DCAF10: variants seen among roughly 807,000 people sequenced by gnomAD.
The protein encoded by DCAF10 is DDB1 and CUL4 associated factor 10, also known as DDB1- and CUL4-associated factor 10.
A neutral mutation model predicts 51.9 loss-of-function variants in DCAF10; 19 were observed. The observed-to-expected ratio is 0.37, with a 90% confidence interval of 0.26 to 0.54. The LOEUF (loss-of-function observed/expected upper bound fraction) is 0.54. DCAF10 is among the 20% of genes least tolerant of loss of function. DCAF10 has a pLI of 0.87. For missense variants in DCAF10, 510 were observed against 730.6 expected, an observed-to-expected ratio of 0.70 and a Z score of 3.48; for synonymous variants, 291 against 297.1, an observed-to-expected ratio of 0.98 and a Z score of 0.21.
At position 37,840,991 on chromosome 9, in the gene DCAF10, T is replaced by C. The variant is rs185948739; in HGVS notation, c.654-1098T>C. Reference sequence around the variant, plus strand: ...TATGAGTGATAGGCTATATACCATATATACCATATAACCTCAGTGTGTACC... The same window carrying C: ...TATGAGTGATAGGCTATATACCATACATACCATATAACCTCAGTGTGTACC... On this transcript the variant is annotated intron_variant, in intron 2 of 6. Transcript: ENST00000377724. Among the ~76,000 whole-genome samples the C allele has an allele frequency of 1.6e-3, 245 of 152,346 alleles. 1 individual carries two copies. Among genetic ancestry groups the C allele is most frequent in the African/African-American group, 5.2e-3 (216 of 41,584 alleles).
chr9:37,858,531 A>G (rs1830918312), intron 5 of DCAF10: 1 of 152,234 alleles, frequency 6.6e-6, no homozygotes, highest in Non-Finnish European at 1.5e-5. Flanking sequence ...GTAAACACAC[A>G]AACACAAATA....
intron 1 of DCAF10, among the ~76,000 whole-genome samples, chr9:37,818,574 AG>A (rs931441626): frequency 6.6e-6 from 1 of 152,236 alleles, no homozygotes; most frequent in African/African-American, 2.4e-5. Context: ...GCAGTGGGGA[AG>A]GCCTGAAACA....
chr9:37,826,799 T>G (rs924258521), intron 2 of DCAF10, among the ~76,000 whole-genome samples: 1 of 148,932 alleles, frequency 6.7e-6, no homozygotes, highest in African/African-American at 2.5e-5. Flanking sequence ...AAATAAAACA[T>G]ACACCCAAAT....
chr9:37,843,146 C>G (rs1830381739), intron 3 of DCAF10, among the ~76,000 whole-genome samples: 1 of 151,996 alleles, frequency 6.6e-6, no homozygotes, highest in African/African-American at 2.4e-5. Flanking sequence ...GACTCCTGAG[C>G]AGCTAGGACT....
At chr9:37,800,748 G>A, upstream of DCAF10, 1 of 1,533,642 alleles carries the variant, frequency 6.5e-7, no homozygotes, top group South Asian at 1.2e-5. Flanking sequence ...CCGAGGGGCG[G>A]CGCGGGTTTC....
At chr9:37,838,262 A>G (rs1168126458) in intron 2 of DCAF10, among the ~76,000 whole-genome samples, 1 of 152,222 alleles carries the variant, frequency 6.6e-6, no homozygotes, top group African/African-American at 2.4e-5. Context: ...TTTACTAAAC[A>G]TAAAAGTTTC....
intron 1 of DCAF10, among the ~76,000 whole-genome samples, chr9:37,812,347 C>T (rs1829374377): frequency 6.6e-6 from 1 of 152,028 alleles, no homozygotes; most frequent in Non-Finnish European, 1.5e-5. Context: ...TAAAATAAAA[C>T]ATACATGCAC....
At chr9:37,819,470 A>C (rs890609720) in intron 2 of DCAF10, 69 bp downstream of exon 2, 6 of 1,151,930 alleles carry the variant, frequency 5.2e-6, no homozygotes, top group Non-Finnish European at 6.3e-6. Context: ...GAAGTTAGTG[A>C]AAATGAAAAT....
At chr9:37,834,677 TTTG>T (rs1443707530) in intron 2 of DCAF10, among the ~76,000 whole-genome samples, 1 of 152,252 alleles carries the variant, frequency 6.6e-6, no homozygotes, top group Non-Finnish European at 1.5e-5. Context: ...ATAAAATATC[TTTG>T]TTATTTTTTA....
At chr9:37,821,963 T>C (rs1461365839) in intron 2 of DCAF10, among the ~76,000 whole-genome samples, 1 of 151,146 alleles carries the variant, frequency 6.6e-6, no homozygotes, top group Non-Finnish European at 1.5e-5. Flanking sequence ...AGGAAATGAA[T>C]AGATAATTCT....
chr9:37,842,213 G>A lies in DCAF10; in HGVS notation c.778G>A (p.Glu260Lys). The change falls in exon 3 of 7, where the codon GAA becomes AAA. Residue 260 changes from glutamate to lysine, a missense_variant. By Grantham distance (56) the Glu-to-Lys change is moderately conservative. Around this residue, in one of 4 missense-constraint regions of DCAF10, gnomAD observed 126 missense variants for 271.5 expected, o/e 0.46. Coordinates refer to ENST00000377724, the MANE Select transcript of DCAF10 (RefSeq NM_024345.5). ...HGHTSWVKNI[E>K]YDTNTRLLVT... ...TCACACTAGCTGGGTGAAGAACATCGAATATGATACTAATACAAGACTCTT... is the reference window on the plus strand; with the variant it reads ...TCACACTAGCTGGGTGAAGAACATCAAATATGATACTAATACAAGACTCTT... 1 of 1,613,804 alleles carries A rather than the reference G, an allele frequency of 6.2e-7. No individual in the cohort carries two copies. The highest frequency in any genetic ancestry group is 8.5e-7 in the Non-Finnish European group (1 of 1,179,916).
At chr9:37,807,310 T>C (rs1205592454) in intron 1 of DCAF10, among the ~76,000 whole-genome samples, 2 of 152,136 alleles carry the variant, frequency 1.3e-5, no homozygotes, top group African/African-American at 2.4e-5. Context: ...GGAGACCTTG[T>C]CTCTACAAAA....
Position 37,852,965 on chromosome 9 carries a change from T to TATATATATATATAA in DCAF10, c.852-1814_852-1813insTATATATATATAAA, listed in dbSNP as rs1281431404. Among the ~76,000 whole-genome samples, 14 of 101,048 alleles carry TATATATATATATAA rather than the reference T, an allele frequency of 1.4e-4. 1 individual carries two copies. The highest frequency in any genetic ancestry group is 1.0e-4 in the African/African-American group (3 of 29,440). 66.3% of individuals were successfully genotyped at this position (101,048 alleles called of 152,430 possible). A position where few individuals can be genotyped will look rare whatever the true frequency, so the allele number is the denominator to read the frequency against. ...ATATATATATATATATATATATATA[T>TATATATATATATAA]AAATTAGCTTGATTTAGCTATTCCA... On this transcript the variant is annotated intron_variant, in intron 3 of 6. Coordinates refer to ENST00000377724, the MANE Select transcript of DCAF10 (RefSeq NM_024345.5).
Position 37,866,909 on chromosome 9 carries a change from T to C in DCAF10, c.*5401T>C, listed in dbSNP as rs1008007223. 4.6e-5 allele frequency: 7 copies of C among 152,430 alleles called. No individual in the cohort carries two copies. Among genetic ancestry groups the C allele is most frequent in the African/African-American group, 1.7e-4 (7 of 41,450 alleles). 9.4% of individuals were successfully genotyped at this position (152,430 alleles called of 1,614,324 possible). On this transcript the variant is annotated 3_prime_UTR_variant, in exon 7 of 7. Coordinates refer to ENST00000377724, the MANE Select transcript of DCAF10 (RefSeq NM_024345.5). ...AAAAAGAAGAGTACAGGAAAAAAATTCAGATAGACATAAGAGTATTTTGGA... is the reference window on the plus strand; with the variant it reads ...AAAAAGAAGAGTACAGGAAAAAAATCCAGATAGACATAAGAGTATTTTGGA...
At chr9:37,809,878 C>T (rs558857524) in intron 1 of DCAF10, among the ~76,000 whole-genome samples, 123 of 150,886 alleles carry the variant, frequency 8.2e-4, no homozygotes, top group African/African-American at 2.6e-3. Flanking sequence ...CGGCCGTGCG[C>T]GGTGGCTCAC....
intron 1 of DCAF10, among the ~76,000 whole-genome samples, chr9:37,812,161 A>G (rs1829367591): frequency 7.6e-6 from 1 of 131,502 alleles, no homozygotes; most frequent in African/African-American, 2.7e-5. Flanking sequence ...GCGCCACCAC[A>G]CTCCAAACCT....
chr9:37,805,465 C>A (rs1479310802), intron 1 of DCAF10, among the ~76,000 whole-genome samples: 1 of 152,150 alleles, frequency 6.6e-6, no homozygotes, highest in Non-Finnish European at 1.5e-5. Context: ...GCCTGGGTGA[C>A]AGAGTGAGAC....
At chr9:37,827,846 C>A (rs1436332869) in intron 2 of DCAF10, among the ~76,000 whole-genome samples, 4 of 152,184 alleles carry the variant, frequency 2.6e-5, no homozygotes, top group East Asian at 3.8e-4. Flanking sequence ...CCACCCTGTT[C>A]ATCTAGGCTG....
intron 3 of DCAF10, among the ~76,000 whole-genome samples, chr9:37,854,429 C>T (rs1830786138): frequency 6.6e-6 from 1 of 152,058 alleles, no homozygotes; most frequent in African/African-American, 2.4e-5. Flanking sequence ...TTAATTGACA[C>T]ATTGTAACTG....
Sources: gnomAD v4.1 joint callset for allele counts (sites outside exome capture counted in the v4.1 genomes callset) on GRCh38, gnomAD v4.1.1 for gene constraint, gnomAD v4.1.1 regional missense constraint, MANE v1.5 for transcripts, NCBI Gene and HGNC (gene_info 2026-07-23, HGNC 2026-07-21) for gene names.